Variants in PAQR3 observed in about 807,000 individuals in gnomAD.
PAQR3 encodes progestin and adipoQ receptor family member 3.
In PAQR3, 39 loss-of-function variants were observed where a neutral mutation model predicts 41.7. The observed-to-expected ratio is 0.93, with a 90% CI of 0.72 to 1.22. PAQR3 has a LOEUF of 1.22. Ranked by LOEUF, PAQR3 falls within the 50% of genes most tolerant of loss-of-function variation. The probability of loss-of-function intolerance (pLI) is 0.00; values close to 1 mark genes in which losing one functional copy is unlikely to be tolerated. For missense variants in PAQR3, 366 were observed against 385.6 expected, an observed-to-expected ratio of 0.95 and a Z score of 0.42; for synonymous variants, 140 against 140.6, an observed-to-expected ratio of 1.00 and a Z score of 0.03.
chr4:78,935,060 G>T, intron 2 of PAQR3, 61 bp downstream of exon 2: 1 of 1,544,688 alleles, frequency 6.5e-7, no homozygotes, highest in Non-Finnish European at 8.8e-7. Context: ...AAGGTCACCT[G>T]ACCAAGACTG....
In PAQR3 at chr4:78,939,156, C is replaced by G. The variant is rs774134164; in HGVS notation, c.69G>C (p.Leu23=). 1 of 1,613,704 alleles carries G rather than the reference C, an allele frequency of 6.2e-7. No individual in the cohort carries two copies. The highest frequency in any genetic ancestry group is 8.5e-7 in the Non-Finnish European group (1 of 1,179,806). The part of the protein sequence containing the change: ...ELGSYQYWPV[L]VPRGIRLYTY... ...TGTACAGGCGGATGCCACGGGGCAC[C>G]AGGACCGGCCAGTACTGGTAGCTGC... The change falls in exon 1 of 6, where the codon CTG becomes CTC. Residue 23 remains leucine (L), a synonymous_variant. Coordinates refer to ENST00000512733, the MANE Select transcript of PAQR3 (RefSeq NM_001040202.2).
chr4:78,929,762 G>A (rs1170345436), intron 3 of PAQR3, among the ~76,000 whole-genome samples: 5 of 151,628 alleles, frequency 3.3e-5, no homozygotes, highest in Non-Finnish European at 7.4e-5. Context: ...TTCACTGAGA[G>A]GAGAAAAAAG....
chr4:78,924,837 T>G (rs1736029886), intron 4 of PAQR3, among the ~76,000 whole-genome samples: 1 of 151,972 alleles, frequency 6.6e-6, no homozygotes, highest in Admixed American at 6.6e-5. Context: ...AGAGACTCTG[T>G]TTCAAAGAAA....
rs1737303159 is a variant in PAQR3, at chr4:78,935,224, A to C, written c.245T>G (p.Leu82Arg). ...GTCATATATTCCCAGGGTGAAGAAG[A>C]GAAAGAAACCCAGCAAATGACTCCA... ...NIWSHLLGFF[L>R]FFTLGIYDMT... Residue 82 changes from leucine (L) to arginine (R), a missense_variant, in exon 2 of 6, where the codon CTC becomes CGC. By Grantham distance (102) the Leu-to-Arg change is moderately radical (BLOSUM62 -2). Coordinates refer to ENST00000512733, the MANE Select transcript of PAQR3 (RefSeq NM_001040202.2). 1 of 1,613,812 alleles carries C rather than the reference A, an allele frequency of 6.2e-7. No individual in the cohort carries two copies. The highest frequency in any genetic ancestry group is 8.5e-7 in the Non-Finnish European group (1 of 1,179,852).
intron 1 of PAQR3, among the ~76,000 whole-genome samples, chr4:78,935,573 C>G (rs997921991): frequency 2.0e-5 from 3 of 152,180 alleles, no homozygotes; most frequent in Non-Finnish European, 4.4e-5. Context: ...ATCTTCCAGC[C>G]TATCAATTCC....
intron 11 of PAQR3, among the ~76,000 whole-genome samples, chr4:78,890,420 A>G (rs748476137): frequency 6.6e-6 from 1 of 151,920 alleles, no homozygotes; most frequent in Non-Finnish European, 1.5e-5. Flanking sequence ...ACACACACAC[A>G]CACACACGTG....
In PAQR3 at chr4:78,926,644, A is replaced by T; in HGVS notation, c.579T>A (p.Asn193Lys). ...GCCTTTGCCATTGCTGCGTGAGGTAATTGGGATGAATCTGCGCAAAGAACA... is the reference window on the plus strand; with the variant it reads ...GCCTTTGCCATTGCTGCGTGAGGTATTTGGGATGAATCTGCGCAAAGAACA... The part of the protein sequence containing the change: ...LAVFFAQIHP[N>K]YLTQQWQRLR... Residue 193 changes from asparagine (N) to lysine (K), a missense_variant, in exon 4 of 6, where the codon AAT (asparagine) becomes AAA (lysine). By Grantham distance (94) the Asn-to-Lys change is moderately conservative (BLOSUM62 0). Coordinates refer to ENST00000512733, the MANE Select transcript of PAQR3 (RefSeq NM_001040202.2). 1 of 1,614,058 alleles carries T rather than the reference A, an allele frequency of 6.2e-7. No homozygotes were observed. Among genetic ancestry groups the T allele is most frequent in the Non-Finnish European group, 8.5e-7 (1 of 1,179,920 alleles).
chr4:78,887,396 A>G, intron 12 of PAQR3: 3 of 774,160 alleles, frequency 3.9e-6, no homozygotes, highest in Non-Finnish European at 6.5e-6. Context: ...CAGAAAGTAG[A>G]AAATATTTTA....
chr4:78,908,737 T>A (rs981418566), downstream of PAQR3, among the ~76,000 whole-genome samples: 1 of 152,200 alleles, frequency 6.6e-6, no homozygotes, highest in African/African-American at 2.4e-5. Flanking sequence ...TCCAACTTAC[T>A]CATTTTTTAA....
chr4:78,896,838 G>A (rs545771950), intron 11 of PAQR3, among the ~76,000 whole-genome samples: 1 of 152,082 alleles, frequency 6.6e-6, no homozygotes, highest in Admixed American at 6.5e-5. Context: ...ATGAACATTT[G>A]GCACATGACA....
In PAQR3 at chr4:78,916,594, TA is replaced by T. The variant is rs747456134; in HGVS notation, c.*3944del. ...TAAGAGTTTTTGCCACAAGAACACT[TA>T]ATAGCACGACTTTTTCAGTGAGTCA... On this transcript the variant is annotated 3_prime_UTR_variant, in exon 6 of 6. Coordinates refer to ENST00000512733, the MANE Select transcript of PAQR3 (RefSeq NM_001040202.2). The T allele has an allele frequency of 2.0e-5, 3 of 152,000 alleles. No homozygotes were observed. Among genetic ancestry groups the T allele is most frequent in the Non-Finnish European group, 4.4e-5 (3 of 67,854 alleles). 9.4% of individuals were successfully genotyped at this position (152,000 alleles called of 1,614,324 possible).
chr4:78,930,041 G>C, intron 3 of PAQR3, 129 bp downstream of exon 3: 1 of 796,170 alleles, frequency 1.3e-6, no homozygotes, highest in Non-Finnish European at 1.9e-6. Context: ...ATAAGTTTAT[G>C]CTTATACGAG....
chr4:78,909,223 A>C (rs1734446907), downstream of PAQR3, among the ~76,000 whole-genome samples: 3 of 151,862 alleles, frequency 2.0e-5, no homozygotes, highest in Non-Finnish European at 4.4e-5. Context: ...TTTTTAGTAG[A>C]GATGGGGTTT....
At position 78,916,531 on chromosome 4, in the gene PAQR3, T is replaced by C. The variant is rs990960387; in HGVS notation, c.*4008A>G. ...GATTAGATCCCTATTCTTAAGGAGCTCAGAGTTTACAATTTAGGTAAGAAA... is the reference window on the plus strand; with the variant it reads ...GATTAGATCCCTATTCTTAAGGAGCCCAGAGTTTACAATTTAGGTAAGAAA... On this transcript the variant is annotated 3_prime_UTR_variant, in exon 6 of 6. Coordinates refer to ENST00000512733, the MANE Select transcript of PAQR3 (RefSeq NM_001040202.2). 2 of 151,854 alleles carry C rather than the reference T, an allele frequency of 1.3e-5. No individual in the cohort carries two copies. The highest frequency in any genetic ancestry group is 4.8e-5 in the African/African-American group (2 of 41,412). 9.4% of individuals were successfully genotyped at this position (151,854 alleles called of 1,614,324 possible).
At chr4:78,923,331 CTTTT>C (rs942681929) in intron 5 of PAQR3, among the ~76,000 whole-genome samples, 5 of 148,798 alleles carry the variant, frequency 3.4e-5, no homozygotes, top group Non-Finnish European at 7.5e-5. Flanking sequence ...TTTTCACTAT[CTTTT>C]TTTTTTATTA....
chr4:78,892,565 T>G (rs1733496407), intron 11 of PAQR3, among the ~76,000 whole-genome samples: 1 of 152,190 alleles, frequency 6.6e-6, no homozygotes. Flanking sequence ...AATTTTTATG[T>G]TTTCTTCTAC....
rs539425107 is a variant in PAQR3 at position 78,893,479 on chromosome 4, CT to C, written c.*837-5332del. 2.7e-4 allele frequency among the ~76,000 whole-genome samples: 41 copies of C among 152,294 alleles called. 1 individual carries two copies. The South Asian group carries it at 4.6e-3, about 17-fold the overall frequency. ...TTAATGAAATCTAGAATGGTGAATT[CT>C]TTTCAGGTTTTCAGTTTACTTTGCA... On this transcript the variant is annotated intron_variant and NMD_transcript_variant, in intron 11 of 12. Transcript: ENST00000342820.
intron 1 of PAQR3, among the ~76,000 whole-genome samples, chr4:78,936,603 T>G (rs1417812713): frequency 5.3e-5 from 8 of 152,164 alleles, no homozygotes; most frequent in Non-Finnish European, 1.2e-4. Context: ...ATAAAGTGAA[T>G]CTTGGATCAT....
chr4:78,897,315 C>T (rs548872922), intron 11 of PAQR3, among the ~76,000 whole-genome samples: 12 of 151,568 alleles, frequency 7.9e-5, no homozygotes, highest in Middle Eastern at 6.9e-3. Context: ...ATTTAAAGTG[C>T]CCTAAATATC....
Sources: gnomAD v4.1 joint callset for allele counts (sites outside exome capture counted in the v4.1 genomes callset) on GRCh38, gnomAD v4.1.1 for gene constraint, MANE v1.5 for transcripts, NCBI Gene and HGNC (gene_info 2026-07-23, HGNC 2026-07-21) for gene names.